TYR: variants seen among roughly 807,000 people sequenced by gnomAD.
The protein encoded by TYR is LB24-AB.
TYR carries 58 observed loss-of-function variants against 51.5 expected under a neutral mutation model. That is an observed-to-expected ratio of 1.13 (90% CI 0.91 to 1.40). The LOEUF is 1.40. Among genes scored for constraint, TYR ranks in the 40% most tolerant of loss-of-function variants. The pLI is 0.00. For missense variants in TYR, 732 were observed against 647.4 expected, an observed-to-expected ratio of 1.13 and a Z score of -1.42; for synonymous variants, 263 against 235.2, an observed-to-expected ratio of 1.12 and a Z score of -1.08.
intron 2 of TYR, among the ~76,000 whole-genome samples, chr11:89,225,122 G>C (rs1435805379): frequency 6.6e-6 from 1 of 151,082 alleles, no homozygotes; most frequent in Admixed American, 6.6e-5. Flanking sequence ...AGAGAATTTT[G>C]GTAGGCTACT....
rs368236072 is a variant in TYR at position 89,295,277 on chromosome 11, C to G, written c.1501C>G (p.Arg501Gly). 3 of 1,613,702 alleles carry G rather than the reference C, an allele frequency of 1.9e-6. No individual in the cohort carries two copies. The highest frequency in any genetic ancestry group is 1.1e-5 in the South Asian group (1 of 91,030). The change falls in exon 5 of 5, where the codon CGT becomes GGT. Residue 501 changes from arginine (R) to glycine (G), a missense_variant. Physicochemically the swap from Arg to Gly is moderately radical, Grantham distance 125. Transcript: ENST00000263321. Reference sequence around the variant, plus strand: ...GGCAGGGCTTGTGAGCTTGCTGTGTCGTCACAAGAGAAAGCAGCTTCCTGA... The same window carrying G: ...GGCAGGGCTTGTGAGCTTGCTGTGTGGTCACAAGAGAAAGCAGCTTCCTGA... ...LLAGLVSLLCRHKRKQLPEEK... is the reference protein window; with the variant it reads ...LLAGLVSLLCGHKRKQLPEEK...
At chr11:89,262,198 A>G (rs575998555) in intron 3 of TYR, among the ~76,000 whole-genome samples, 1 of 152,092 alleles carries the variant, frequency 6.6e-6, no homozygotes, top group Non-Finnish European at 1.5e-5. Context: ...AGCTAGGATT[A>G]CAGGCACCTG....
chr11:89,272,655 G>A (rs1226424464), intron 3 of TYR, among the ~76,000 whole-genome samples: 1 of 151,922 alleles, frequency 6.6e-6, no homozygotes, highest in African/African-American at 2.4e-5. Context: ...CAGGCATTGA[G>A]TTCTTTCTAG....
chr11:89,190,302 G>T (rs1490833687), intron 1 of TYR, among the ~76,000 whole-genome samples: 2 of 152,054 alleles, frequency 1.3e-5, no homozygotes, highest in African/African-American at 4.8e-5. Context: ...GTGTACTATT[G>T]CCCCTGAAGA....
Position 89,227,885 on chromosome 11 carries a change from C to T in TYR, c.1099C>T (p.His367Tyr), listed in dbSNP as rs776054795. Residue 367 changes from histidine (H) to tyrosine (Y), a missense_variant, in exon 3 of 5, where the codon CAC becomes TAC. Coordinates refer to ENST00000263321, the MANE Select transcript of TYR (RefSeq NM_000372.5). The part of the protein sequence containing the change: ...ASQSSMHNAL[H>Y]IYMNGTMSQV... ...TCAAAGCAGCATGCACAATGCCTTG[C>T]ACATCTATATGAATGGAACAATGTC... 4.0e-5 allele frequency: 65 copies of T among 1,613,256 alleles called. No individual in the cohort carries two copies. The highest frequency in any genetic ancestry group is 5.3e-5 in the Non-Finnish European group (62 of 1,179,626).
intron 3 of TYR, among the ~76,000 whole-genome samples, chr11:89,282,478 C>T (rs61903443): frequency 1.3e-5 from 2 of 151,776 alleles, no homozygotes; most frequent in African/African-American, 2.4e-5. Context: ...GTTGTGGATG[C>T]ATATTTTAAA....
intron 2 of TYR, among the ~76,000 whole-genome samples, chr11:89,192,905 GT>G (rs1171728969): frequency 6.6e-6 from 1 of 152,102 alleles, no homozygotes; most frequent in Non-Finnish European, 1.5e-5. Flanking sequence ...TTGAAAAGTG[GT>G]GGAGATAATC....
chr11:89,194,074 A>G (rs1345572718), intron 2 of TYR, among the ~76,000 whole-genome samples: 2 of 152,194 alleles, frequency 1.3e-5, no homozygotes, highest in Admixed American at 6.5e-5. Context: ...AAAATTAGAT[A>G]TAATAATATC....
chr11:89,198,082 T>A (rs1943546556), intron 2 of TYR, among the ~76,000 whole-genome samples: 1 of 152,072 alleles, frequency 6.6e-6, no homozygotes, highest in Non-Finnish European at 1.5e-5. Context: ...AGTTTTGAAA[T>A]TTTTAATGAC....
chr11:89,178,984 A>G (rs1324012815), intron 1 of TYR, among the ~76,000 whole-genome samples: 5 of 152,206 alleles, frequency 3.3e-5, no homozygotes, highest in African/African-American at 1.2e-4. Flanking sequence ...GACTTCTACT[A>G]GGTTTCTAAA....
intron 3 of TYR, among the ~76,000 whole-genome samples, chr11:89,270,236 C>A (rs1468578998): frequency 6.6e-6 from 1 of 151,848 alleles, no homozygotes; most frequent in Non-Finnish European, 1.5e-5. Context: ...TGCTTTACTC[C>A]TACTAGAATG....
chr11:89,261,878 G>A (rs997963454), intron 3 of TYR, among the ~76,000 whole-genome samples: 3 of 151,904 alleles, frequency 2.0e-5, no homozygotes, highest in Non-Finnish European at 4.4e-5. Context: ...AAAAAAAATA[G>A]AAACTAATAA....
intron 2 of TYR, among the ~76,000 whole-genome samples, 159 bp from the exon 3 acceptor site, chr11:89,227,664 T>A (rs2135281629): frequency 6.6e-6 from 1 of 152,302 alleles, no homozygotes; most frequent in South Asian, 2.1e-4. Context: ...ACACACTGGG[T>A]ATCCAGAATG....
intron 2 of TYR, among the ~76,000 whole-genome samples, chr11:89,199,558 T>C (rs931548012): frequency 2.0e-5 from 3 of 152,204 alleles, no homozygotes; most frequent in Admixed American, 6.5e-5. Context: ...TGAAGACATA[T>C]AGAACTGGAT....
intron 3 of TYR, among the ~76,000 whole-genome samples, chr11:89,273,932 T>C (rs1010223415): frequency 6.6e-6 from 1 of 151,894 alleles, no homozygotes; most frequent in Non-Finnish European, 1.5e-5. Flanking sequence ...TTCCTTCATA[T>C]TGGATTCTGG....
intron 2 of TYR, among the ~76,000 whole-genome samples, chr11:89,195,893 C>A (rs1591146295): frequency 6.6e-6 from 1 of 151,040 alleles, no homozygotes; most frequent in East Asian, 1.9e-4. Flanking sequence ...TTTACTTTTT[C>A]TTTTATTTAT....
chr11:89,279,068 G>A (rs1054889055), intron 3 of TYR, among the ~76,000 whole-genome samples: 11 of 151,550 alleles, frequency 7.3e-5, no homozygotes, highest in African/African-American at 2.7e-4. Flanking sequence ...GGTGTAGAGG[G>A]ACTCAAAAAT....
chr11:89,265,368 C>T (rs535304869), intron 3 of TYR, among the ~76,000 whole-genome samples: 1 of 152,184 alleles, frequency 6.6e-6, no homozygotes, highest in Admixed American at 6.6e-5. Flanking sequence ...AACCACTCCA[C>T]CTCTCAGAAT....
chr11:89,216,767 T>G lies in TYR; in HGVS notation c.1037-11056T>G, dbSNP rs147600558. Among the ~76,000 whole-genome samples the G allele has an allele frequency of 1.5e-3, 230 of 152,158 alleles. 3 individuals carry two copies. Among genetic ancestry groups the G allele is most frequent in the African/African-American group, 5.2e-3 (217 of 41,498 alleles). On this transcript the variant is annotated intron_variant, in intron 2 of 4. Coordinates refer to ENST00000263321, the MANE Select transcript of TYR (RefSeq NM_000372.5). The stretch of plus-strand genomic sequence containing the variant: ...GATCTTCAAGATCTGGTAGTGCAAT[T>G]CTGTCATCCTTAACTCACAGCTTCC...
Sources: allele counts gnomAD v4.1 joint callset (sites outside exome capture counted in the v4.1 genomes callset), GRCh38; gene constraint gnomAD v4.1.1; transcripts MANE v1.5; gene names NCBI Gene and HGNC (gene_info 2026-07-23, HGNC 2026-07-21).